The following ITGA10 variants were observed in gnomAD, a reference collection of about 807,000 sequenced individuals.
ITGA10 encodes integrin alpha-10.
A neutral mutation model predicts 145.2 loss-of-function variants in ITGA10; 105 were observed. That is an observed-to-expected ratio of 0.72 (90% CI 0.62 to 0.85). The LOEUF (loss-of-function observed/expected upper bound fraction) is 0.85. Ranked by LOEUF, ITGA10 falls within the 40% of genes least tolerant of loss-of-function variation. The pLI, the probability that ITGA10 is intolerant of heterozygous loss-of-function variation, is 0.00. For missense variants in ITGA10, 1,317 were observed against 1,444.5 expected, an observed-to-expected ratio of 0.91 and a Z score of 1.43; for synonymous variants, 506 against 557.8, an observed-to-expected ratio of 0.91 and a Z score of 1.31.
chr1:145,902,869 T>G lies in ITGA10; in HGVS notation c.851A>C (p.Glu284Ala). ...VTDGESHDGE[E>A]LPAALKACEA... is the part of the protein sequence containing the mutation. ...ACAGGCCTTTAGTGCTGCAGGAAGCTCCTCTCCATCATGGGACTCTCCATC... is the reference window on the plus strand; with the variant it reads ...ACAGGCCTTTAGTGCTGCAGGAAGCGCCTCTCCATCATGGGACTCTCCATC... Residue 284 changes from glutamate (E) to alanine (A), a missense_variant, in exon 8 of 30, where the codon GAG becomes GCG. Glu to Ala is a moderately radical substitution (Grantham distance 107, BLOSUM62 -1). Coordinates refer to ENST00000369304, the MANE Select transcript of ITGA10 (RefSeq NM_003637.5). 3.1e-6 allele frequency: 5 copies of G among 1,613,932 alleles called. No individual in the cohort carries two copies. The highest frequency in any genetic ancestry group is 4.2e-6 in the Non-Finnish European group (5 of 1,179,962).
chr1:145,896,185 A>C, intron 24 of ITGA10, 83 bp downstream of exon 24: 1 of 1,484,686 alleles, frequency 6.7e-7, no homozygotes, highest in African/African-American at 1.4e-5. Context: ...ATTAAAATCC[A>C]AGAGAGACCC....
chr1:145,893,124 C>T, intron 29 of ITGA10, 37 bp downstream of exon 29: 1 of 1,432,336 alleles, frequency 7.0e-7, no homozygotes, highest in Non-Finnish European at 9.9e-7. Context: ...AACTCATGGG[C>T]ATCATGCTCC....
At chr1:145,908,299 G>T (rs1570919739) in intron 1 of ITGA10, among the ~76,000 whole-genome samples, 1 of 152,040 alleles carries the variant, frequency 6.6e-6, no homozygotes, top group African/African-American at 2.4e-5. Context: ...CCAATGTCTA[G>T]GTCCCTGGTT....
chr1:145,899,285 C>G lies in ITGA10; in HGVS notation c.1979G>C (p.Ser660Thr). 2.5e-6 allele frequency: 4 copies of G among 1,614,228 alleles called. No individual in the cohort carries two copies. The highest frequency in any genetic ancestry group is 3.4e-6 in the Non-Finnish European group (4 of 1,180,036). The change falls in exon 16 of 30, where the codon AGT becomes ACT. Residue 660 changes from serine (S) to threonine (T), a missense_variant. Ser to Thr is a moderately conservative substitution (Grantham distance 58). Transcript: ENST00000369304. The part of the protein sequence containing the change: ...PSLEVTPQAI[S>T]VVQRDCRRRG... ...CCGCCTACAGTCCCTCTGAACCACA[C>G]TGATGGCCTGTGGGGTCACCTCCAG...
intron 20 of ITGA10, 79 bp from the exon 21 acceptor site, chr1:145,897,418 C>A: frequency 3.1e-6 from 5 of 1,594,270 alleles, no homozygotes; most frequent in Admixed American, 1.7e-5. Context: ...AAACACTGAG[C>A]CTTTCTCTAG....
intron 8 of ITGA10, 62 bp downstream of exon 8, chr1:145,902,749 G>T: frequency 6.4e-7 from 1 of 1,565,506 alleles, no homozygotes; most frequent in African/African-American, 1.4e-5. Flanking sequence ...TCCTTGGACA[G>T]TTCACAAGAC....
chr1:145,903,296 T>C (rs1285449826), intron 7 of ITGA10, among the ~76,000 whole-genome samples: 1 of 152,138 alleles, frequency 6.6e-6, no homozygotes, highest in Non-Finnish European at 1.5e-5. Flanking sequence ...CGGAAAAGAA[T>C]GATCTGGGCA....
In ITGA10 at chr1:145,896,309, G is replaced by C. The variant is rs1364058664; in HGVS notation, c.2878C>G (p.Leu960Val). 21 of 1,614,126 alleles carry C rather than the reference G, an allele frequency of 1.3e-5. No individual in the cohort carries two copies. The highest frequency in any genetic ancestry group is 1.8e-5 in the Non-Finnish European group (21 of 1,179,972). ...HRYEVHPYGT[L>V]PVGPGPEFKT... ...AATTCTGGGCCAGGACCCACTGGGA[G>C]GGTCCCATATGGGTGAACCTCATAG... The change falls in exon 24 of 30, where the codon CTC becomes GTC. Residue 960 changes from leucine to valine, a missense_variant. Transcript: ENST00000369304.
At chr1:145,908,819 C>T (rs1657484240) in intron 1 of ITGA10, among the ~76,000 whole-genome samples, 3 of 152,122 alleles carry the variant, frequency 2.0e-5, no homozygotes, top group Admixed American at 2.0e-4. Context: ...AACTGCAGCT[C>T]ATTGGTTAGA....
intron 27 of ITGA10, among the ~76,000 whole-genome samples, chr1:145,893,888 ACTC>A (rs1452310439): frequency 2.0e-5 from 3 of 150,998 alleles, no homozygotes; most frequent in Non-Finnish European, 4.4e-5. Flanking sequence ...AATGCATTCT[ACTC>A]CTCTTTCCTT....
intron 1 of ITGA10, among the ~76,000 whole-genome samples, chr1:145,907,867 T>C: frequency 7.1e-6 from 1 of 141,706 alleles, no homozygotes; most frequent in East Asian, 2.3e-4. Context: ...CCCCCCTGGG[T>C]TCACGCCATT....
intron 7 of ITGA10, 124 bp downstream of exon 7, chr1:145,903,928 A>G (rs1656729306): frequency 9.7e-7 from 1 of 1,035,512 alleles, no homozygotes; most frequent in South Asian, 1.5e-5. Context: ...ACCTCAGGTG[A>G]TCCGCCTGCC....
At position 145,903,024 on chromosome 1, in the gene ITGA10, T is replaced by TACAC. The variant is rs55794832; in HGVS notation, c.759-67_759-64dup. On this transcript the variant is annotated intron_variant, in intron 7 of 29. Transcript: ENST00000369304. ...GCAGACACACACACACACACACACA[T>TACAC]ACACACACACACACACACACACACA... The TACAC allele has an allele frequency of 8.4e-3, 3,186 of 378,544 alleles. 19 individuals are homozygous for TACAC. The highest frequency in any genetic ancestry group is 0.015 in the Middle Eastern group (22 of 1,514). 23.4% of individuals were successfully genotyped at this position (378,544 alleles called of 1,614,324 possible).
intron 3 of ITGA10, 42 bp from the exon 4 acceptor site, chr1:145,906,866 T>C (rs782397773): frequency 2.1e-6 from 3 of 1,398,518 alleles, no homozygotes; most frequent in Non-Finnish European, 3.0e-6. Context: ...CATGGGGTCA[T>C]AGATGGGGTG....
rs1391679620 is a variant in ITGA10 at position 145,895,858 on chromosome 1, G to GC, written c.3033+124dup. The GC allele has an allele frequency of 5.0e-5, 51 of 1,017,420 alleles. No individual in the cohort carries two copies. In the Admixed American group the frequency reaches 6.5e-4, roughly 13 times the overall value. The allele number at this position is 1,017,420 out of a possible 1,614,324, so 63.0% of individuals were successfully genotyped here. ...AATAAGCCACATGTGTAAAAAGAAAGCCCCCCAGAGAGAAGAGCCCCAAGA... is the reference window on the plus strand; with the variant it reads ...AATAAGCCACATGTGTAAAAAGAAAGCCCCCCCAGAGAGAAGAGCCCCAAGA... On this transcript the variant is annotated intron_variant, in intron 25 of 29. Transcript: ENST00000369304.
rs199533163 is a variant in ITGA10 at position 145,899,258 on chromosome 1, C to T, written c.2006G>A (p.Arg669Gln). 4.3e-6 allele frequency: 7 copies of T among 1,614,214 alleles called. No homozygotes were observed. The highest frequency in any genetic ancestry group is 3.3e-5 in the South Asian group (3 of 91,086). ...ISVVQRDCRR[R>Q]GQEAVCLTAA... The stretch of plus-strand genomic sequence containing the variant: ...AGTCAGACAGACTGCCTCTTGGCCT[C>T]GCCGCCTACAGTCCCTCTGAACCAC... Residue 669 changes from arginine to glutamine, a missense_variant, in exon 16 of 30, where the codon CGA becomes CAA. Coordinates refer to ENST00000369304, the MANE Select transcript of ITGA10 (RefSeq NM_003637.5).
In ITGA10 at chr1:145,897,354, A is replaced by T. The variant is rs1182821914; in HGVS notation, c.2575-15T>A. The T allele has an allele frequency of 6.2e-7, 1 of 1,613,234 alleles. No homozygotes were observed. The highest frequency in any genetic ancestry group is 8.5e-7 in the Non-Finnish European group (1 of 1,179,390). On this transcript the variant is annotated splice_polypyrimidine_tract_variant and intron_variant, in intron 20 of 29. Transcript: ENST00000369304. Reference sequence around the variant, plus strand: ...GGGCTCTCTCTCTGAGGGCAGGGGAATGGAGATAGAAGCTGGAGCTGGGGC... The same window carrying T: ...GGGCTCTCTCTCTGAGGGCAGGGGATTGGAGATAGAAGCTGGAGCTGGGGC...
At chr1:145,897,926 G>A in intron 18 of ITGA10, 26 bp from the exon 19 acceptor site, 2 of 1,584,230 alleles carry the variant, frequency 1.3e-6, no homozygotes, top group Non-Finnish European at 1.7e-6. Context: ...GGGGCTAAGG[G>A]TTGAGAGGAA....
rs782218043 is a variant in ITGA10, at chr1:145,904,670, T to C, written c.609+14A>G. The C allele has an allele frequency of 5.0e-6, 8 of 1,613,604 alleles. No individual in the cohort carries two copies. Among genetic ancestry groups the C allele is most frequent in the East Asian group, 4.5e-5 (2 of 44,884 alleles). ...CACAAGCAACTGTGCCCAGCTCATA[T>C]TGCCTTCTCTTACCTGTATCTGTTC... is the stretch of plus-strand genomic sequence containing the variant. On this transcript the variant is annotated intron_variant, in intron 6 of 29. Coordinates refer to ENST00000369304, the MANE Select transcript of ITGA10 (RefSeq NM_003637.5).
Sources: allele counts gnomAD v4.1 joint callset (sites outside exome capture counted in the v4.1 genomes callset), GRCh38; gene constraint gnomAD v4.1.1; transcripts MANE v1.5; gene names NCBI Gene and HGNC (gene_info 2026-07-23, HGNC 2026-07-21).